HOMER1: variants seen among roughly 807,000 people sequenced by gnomAD.
HOMER1 encodes homer scaffold protein 1.
A neutral mutation model predicts 48.9 loss-of-function variants in HOMER1; 3 were observed. The observed-to-expected ratio is 0.06, with a 90% CI of 0.03 to 0.16. The LOEUF (loss-of-function observed/expected upper bound fraction) is 0.16. Among genes scored for constraint, HOMER1 ranks in the 10% least tolerant of loss-of-function variants. HOMER1 has a pLI of 1.00. For synonymous variants in HOMER1, 134 were observed against 146.4 expected (o/e 0.92, Z 0.61); for missense variants, 247 against 411.4 (o/e 0.60, Z 3.46).
chr5:79,437,567 A>G (rs80198964), intron 5 of HOMER1, among the ~76,000 whole-genome samples: 3,649 of 152,310 alleles, frequency 0.024, 145 homozygotes, highest in African/African-American at 0.083. Flanking sequence ...ACTCCACAAT[A>G]TATCTACTGT....
At chr5:79,491,438 CAAAAAA>C (rs56778843) in intron 1 of HOMER1, among the ~76,000 whole-genome samples, 3 of 57,708 alleles carry the variant, frequency 5.2e-5, no homozygotes, top group South Asian at 9.3e-4. Context: ...GACCTTGTCT[CAAAAAA>C]AAAAAAAAAA....
In HOMER1 at chr5:79,375,107, T is replaced by G. The variant is rs1748735579; in HGVS notation, c.*902A>C. On this transcript the variant is annotated 3_prime_UTR_variant, in exon 9 of 9. Transcript: ENST00000334082. ...CATTGATCATTCAGAAAAGATTTCT[T>G]GCAAAATATATAAATAAATGTAACT... is the stretch of plus-strand genomic sequence containing the variant. 1 of 152,130 alleles carries G rather than the reference T, an allele frequency of 6.6e-6. No individual in the cohort carries two copies. The highest frequency in any genetic ancestry group is 6.6e-5 in the Admixed American group (1 of 15,260). The allele number at this position is 152,130 out of a possible 1,614,324, so 9.4% of individuals were successfully genotyped here.
At chr5:79,510,624 C>T in intron 1 of HOMER1, 1 of 900,070 alleles carries the variant, frequency 1.1e-6, no homozygotes, top group African/African-American at 1.6e-5. Flanking sequence ...AGTGCCAAGG[C>T]CATGAGTGCA....
At chr5:79,397,102 C>G (rs1457947969) in intron 7 of HOMER1, among the ~76,000 whole-genome samples, 199 bp from the exon 8 acceptor site, 2 of 152,162 alleles carry the variant, frequency 1.3e-5, no homozygotes, top group African/African-American at 2.4e-5. Context: ...AGCAACAAGT[C>G]TAACTTGGTG....
chr5:79,435,279 A>C (rs1580449452), intron 5 of HOMER1, among the ~76,000 whole-genome samples: 1 of 152,220 alleles, frequency 6.6e-6, no homozygotes, highest in African/African-American at 2.4e-5. Context: ...TAACAAATTC[A>C]TGAGGTTTAG....
intron 8 of HOMER1, among the ~76,000 whole-genome samples, chr5:79,379,727 G>A (rs1748916858): frequency 6.6e-6 from 1 of 151,500 alleles, no homozygotes; most frequent in Admixed American, 6.6e-5. Context: ...CTACAGACGT[G>A]AGCCACCATG....
chr5:79,444,929 T>C (rs148918548), intron 4 of HOMER1, among the ~76,000 whole-genome samples: 5 of 152,316 alleles, frequency 3.3e-5, no homozygotes, highest in Non-Finnish European at 5.9e-5. Context: ...TTCCAGGTCA[T>C]TGCATGTACA....
rs536500314 is a variant in HOMER1, at chr5:79,381,958, C to T, written c.877-5761G>A. Among the ~76,000 whole-genome samples the T allele has an allele frequency of 2.2e-3, 331 of 149,294 alleles. 3 individuals carry two copies. Among genetic ancestry groups the T allele is most frequent in the African/African-American group, 7.5e-3 (308 of 40,814 alleles). ...ATGAGAAATTTACCAAAGAGATATA[C>T]ACTATAAAAAAGAATCAAACAGAAA... On this transcript the variant is annotated intron_variant, in intron 8 of 8. Coordinates refer to ENST00000334082, the MANE Select transcript of HOMER1 (RefSeq NM_004272.5).
At chr5:79,435,144 T>G (rs886817970) in intron 5 of HOMER1, among the ~76,000 whole-genome samples, 1 of 152,204 alleles carries the variant, frequency 6.6e-6, no homozygotes, top group Admixed American at 6.5e-5. Flanking sequence ...CTAAAAATGT[T>G]TTAAATCTTG....
rs113908771 is a variant in HOMER1, at chr5:79,487,505, C to T, written c.5+25265G>A. Among the ~76,000 whole-genome samples, 92 of 152,202 alleles carry T rather than the reference C, an allele frequency of 6.0e-4. 3 individuals are homozygous for T. Among genetic ancestry groups the T allele is most frequent in the African/African-American group, 2.1e-3 (87 of 41,540 alleles). On this transcript the variant is annotated intron_variant, in intron 1 of 8. Coordinates refer to ENST00000334082, the MANE Select transcript of HOMER1 (RefSeq NM_004272.5). ...ATCTCAGCATGCCGAGATCTAGCAA[C>T]AAGTTCACCACAAACAGAACAGAGG...
At chr5:79,386,936 T>G (rs1398277422) in intron 8 of HOMER1, among the ~76,000 whole-genome samples, 1 of 105,106 alleles carries the variant, frequency 9.5e-6, no homozygotes, top group Non-Finnish European at 1.9e-5. Flanking sequence ...TCCCCTCCCT[T>G]CCTTCCTTCC....
intron 1 of HOMER1, among the ~76,000 whole-genome samples, chr5:79,506,540 G>A (rs1222043243): frequency 2.6e-5 from 4 of 152,168 alleles, no homozygotes; most frequent in Non-Finnish European, 5.9e-5. Context: ...AGACTATGGA[G>A]AGGCGTGCTG....
intron 1 of HOMER1, among the ~76,000 whole-genome samples, chr5:79,488,763 C>T (rs950489085): frequency 6.6e-6 from 1 of 152,054 alleles, no homozygotes; most frequent in African/African-American, 2.4e-5. Context: ...GGCACTAGAC[C>T]CTTTGTATAC....
At chr5:79,404,864 A>AT (rs71615534) in intron 5 of HOMER1, among the ~76,000 whole-genome samples, 52,644 of 141,290 alleles carry the variant, frequency 0.37, 9,819 homozygotes, top group East Asian at 0.53. Context: ...ACGCCCAGCT[A>AT]TTTTTTTTTT....
intron 1 of HOMER1, among the ~76,000 whole-genome samples, chr5:79,462,370 T>C (rs1265342407): frequency 6.6e-6 from 1 of 152,194 alleles, no homozygotes; most frequent in Non-Finnish European, 1.5e-5. Context: ...ATAAACGAAT[T>C]CTAGGAAATT....
At position 79,439,136 on chromosome 5, in the gene HOMER1, C is replaced by T. The variant is rs765025903; in HGVS notation, c.401G>A (p.Gly134Glu). ...CGGTGTTAAAGGAGACTGAAGATCC[C>T]CGCCTGCGGATTCCTTTAAAAAAAG... ...TSTPSQESAGGDLQSPLTPES... is the reference protein window; with the variant it reads ...TSTPSQESAGEDLQSPLTPES... The change falls in exon 5 of 9, where the codon GGG (glycine) becomes GAG (glutamate). Residue 134 changes from glycine to glutamate, a missense_variant. Physicochemically the swap from Gly to Glu is moderately conservative, Grantham distance 98. This residue lies in a region of HOMER1 where 94 missense variants were observed against 112.4 expected (regional missense o/e 0.84). Transcript: ENST00000334082. The T allele has an allele frequency of 6.2e-7, 1 of 1,613,862 alleles. No homozygotes were observed. The highest frequency in any genetic ancestry group is 1.1e-5 in the South Asian group (1 of 91,034).
intron 5 of HOMER1, among the ~76,000 whole-genome samples, chr5:79,416,014 C>CA (rs1359546877): frequency 5.3e-5 from 8 of 151,962 alleles, no homozygotes; most frequent in African/African-American, 1.9e-4. Context: ...CTCTTGAAGA[C>CA]AAAAAATGGG....
chr5:79,469,126 C>G (rs1347339896), intron 1 of HOMER1, among the ~76,000 whole-genome samples: 1 of 152,058 alleles, frequency 6.6e-6, no homozygotes, highest in Non-Finnish European at 1.5e-5. Context: ...TTTTTCCATA[C>G]CAAAGTGTTT....
At position 79,379,107 on chromosome 5, in the gene HOMER1, TATATATAA is replaced by T. The variant is rs1482242354; in HGVS notation, c.877-2918_877-2911del. Among the ~76,000 whole-genome samples the T allele has an allele frequency of 8.0e-4, 77 of 96,482 alleles. 4 individuals carry two copies. The highest frequency in any genetic ancestry group is 5.2e-3 in the South Asian group (18 of 3,430). The allele number at this position is 96,482 out of a possible 152,430, so 63.3% of individuals were successfully genotyped here. On this transcript the variant is annotated intron_variant, in intron 8 of 8. Transcript: ENST00000334082. Reference sequence around the variant, plus strand: ...ATATATATATATATATATATATATATATATATAAAATATATAAATATTTATTTATATAT... The same window carrying T: ...ATATATATATATATATATATATATATAATATATAAATATTTATTTATATAT...
Sources: allele counts gnomAD v4.1 joint callset (sites outside exome capture counted in the v4.1 genomes callset), GRCh38; gene constraint gnomAD v4.1.1; regional missense constraint gnomAD v4.1.1; transcripts MANE v1.5; gene names NCBI Gene and HGNC (gene_info 2026-07-23, HGNC 2026-07-21).